The following ASCC2 variants were observed in gnomAD, a reference collection of about 807,000 sequenced individuals.
The protein encoded by ASCC2 is ASC-1 complex subunit P100.
ASCC2 carries 42 observed loss-of-function variants against 93.5 expected under a neutral mutation model. The observed-to-expected ratio is 0.45, with a 90% confidence interval of 0.35 to 0.58. The LOEUF (loss-of-function observed/expected upper bound fraction) is 0.58. Among genes scored for constraint, ASCC2 ranks in the 20% least tolerant of loss-of-function variants. The pLI, the probability that ASCC2 is intolerant of heterozygous loss-of-function variation, is 0.00. For missense variants in ASCC2, 859 were observed against 977.6 expected, an observed-to-expected ratio of 0.88 and a Z score of 1.62; for synonymous variants, 364 against 384.2, an observed-to-expected ratio of 0.95 and a Z score of 0.62.
At chr22:29,805,837 G>C (rs572605519) in intron 12 of ASCC2, among the ~76,000 whole-genome samples, 1 of 151,746 alleles carries the variant, frequency 6.6e-6, no homozygotes, top group South Asian at 2.1e-4. Flanking sequence ...CCCACCCAGA[G>C]CTCTGCTGGG....
chr22:29,793,266 G>C, intron 17 of ASCC2, 94 bp downstream of exon 17: 1 of 1,549,912 alleles, frequency 6.5e-7, no homozygotes, highest in South Asian at 1.2e-5. Context: ...TTTGGGCCCT[G>C]GATCTGCCAC....
rs926451736 is a variant in ASCC2, at chr22:29,793,656, G to T, written c.1709C>A (p.Thr570Lys). The change falls in exon 16 of 20, where the codon ACG (threonine) becomes AAG (lysine). Residue 570 changes from threonine to lysine, a missense_variant. Transcript: ENST00000307790. ...ACGCTTGTCGTTCAGCAAACTCCGCGTGTTTTCCTCCTTCCTGGTGCTGAG... is the reference window on the plus strand; with the variant it reads ...ACGCTTGTCGTTCAGCAAACTCCGCTTGTTTTCCTCCTTCCTGGTGCTGAG... ...KGKSTRKEEN[T>K]RSLLNDKRAV... is the part of the protein sequence containing the mutation. 8.9e-6 allele frequency: 14 copies of T among 1,577,328 alleles called. No individual in the cohort carries two copies. The highest frequency in any genetic ancestry group is 1.1e-5 in the Non-Finnish European group (13 of 1,162,658).
At position 29,825,023 on chromosome 22, in the gene ASCC2, T is replaced by C; in HGVS notation, c.411+64A>G. 1 of 1,293,908 alleles carries C rather than the reference T, an allele frequency of 7.7e-7. No individual in the cohort carries two copies. 80.2% of individuals were successfully genotyped at this position (1,293,908 alleles called of 1,614,324 possible). A position where few individuals can be genotyped will look rare whatever the true frequency, so the allele number is the denominator to read the frequency against. On this transcript the variant is annotated intron_variant, in intron 4 of 19. Transcript: ENST00000307790. This position sits in a 1 kb window ranked among gnomAD's most constrained non-coding sequence, Gnocchi z 4.9. ...CTTCCAGAGCCTTCCTTCCCAGGGGTGGAGAGCCCGGCACAGAGGTGTCGA... is the reference window on the plus strand; with the variant it reads ...CTTCCAGAGCCTTCCTTCCCAGGGGCGGAGAGCCCGGCACAGAGGTGTCGA...
intron 8 of ASCC2, among the ~76,000 whole-genome samples, chr22:29,812,905 G>A (rs1182794145): frequency 1.4e-5 from 2 of 147,594 alleles, no homozygotes; most frequent in Admixed American, 1.4e-4. Context: ...TTTTTTAGAT[G>A]GAGTCTTGCT....
intron 5 of ASCC2, 50 bp from the exon 6 acceptor site, chr22:29,816,123 G>A: frequency 1.4e-6 from 2 of 1,422,560 alleles, no homozygotes; most frequent in Non-Finnish European, 1.9e-6. Context: ...GGGGCTCGGG[G>A]CAGTGAAGAG....
At chr22:29,806,950 CCT>C (rs2059740333) in intron 9 of ASCC2, 46 bp from the exon 10 acceptor site, 1 of 1,475,356 alleles carries the variant, frequency 6.8e-7, no homozygotes, top group African/African-American at 1.4e-5. Context: ...ACAAAAAGGC[CCT>C]GAGGGGCCAG....
Position 29,807,043 on chromosome 22 carries a change from C to CT in ASCC2, c.909-140_909-139insA, listed in dbSNP as rs1026321881. ...CACTTGAGCCCCAGGAGTTTGAGAC[C>CT]AGCCTGAGCAACTAAGTGAAATCCT... On this transcript the variant is annotated intron_variant, in intron 9 of 19. Coordinates refer to ENST00000307790, the MANE Select transcript of ASCC2 (RefSeq NM_032204.5). The CT allele has an allele frequency of 3.3e-4, 204 of 626,302 alleles. No individual in the cohort carries two copies. The African/African-American group carries it at 3.4e-3, about 10-fold the overall frequency. 38.8% of individuals were successfully genotyped at this position (626,302 alleles called of 1,614,324 possible). A position where few individuals can be genotyped will look rare whatever the true frequency, so the allele number is the denominator to read the frequency against.
At position 29,789,005 on chromosome 22, in the gene ASCC2, A is replaced by C; in HGVS notation, c.*8T>G. The stretch of plus-strand genomic sequence containing the variant: ...GCCGCTGCCTCCCCACTGGCCCTGC[A>C]CCAGGTCTCAGGATGGGATCATGCC... On this transcript the variant is annotated 3_prime_UTR_variant, in exon 20 of 20. Transcript: ENST00000307790. The C allele has an allele frequency of 6.2e-7, 1 of 1,614,092 alleles. No individual in the cohort carries two copies. Among genetic ancestry groups the C allele is most frequent in the Non-Finnish European group, 8.5e-7 (1 of 1,179,980 alleles).
chr22:29,792,428 G>A lies in ASCC2; in HGVS notation c.2022+5C>T, dbSNP rs770200605. 4 of 1,613,832 alleles carry A rather than the reference G, an allele frequency of 2.5e-6. No homozygotes were observed. In the Admixed American group the frequency reaches 5.0e-5, roughly 20 times the overall value. On this transcript the variant is annotated splice_donor_5th_base_variant and intron_variant, in intron 18 of 19. Transcript: ENST00000307790. ...CCCTTCATCTGCTACCTGCCAGGGA[G>A]GTACCTTGGGAGCCTCCTCGTCAGC...
At chr22:29,801,831 G>A (rs2059121463) in intron 14 of ASCC2, among the ~76,000 whole-genome samples, 163 bp downstream of exon 14, 1 of 152,134 alleles carries the variant, frequency 6.6e-6, no homozygotes, top group African/African-American at 2.4e-5. Flanking sequence ...ACTCCTGCGG[G>A]GCCTAAGGTT....
Position 29,822,232 on chromosome 22 carries a change from G to A in ASCC2, c.541+103C>T, listed in dbSNP as rs113061789. The A allele has an allele frequency of 2.2e-3, 3,313 of 1,486,234 alleles. 57 individuals are homozygous for A. The African/African-American group carries it at 0.037, about 17-fold the overall frequency. 92.1% of individuals were successfully genotyped at this position (1,486,234 alleles called of 1,614,324 possible). ...TTTCCCAAGACTCCCTGCCCCTATC[G>A]CCCTGAGTCCCTGGGCACTGTCAAA... On this transcript the variant is annotated intron_variant, in intron 5 of 19. Transcript: ENST00000307790.
intron 4 of ASCC2, among the ~76,000 whole-genome samples, chr22:29,824,187 C>CA (rs1317374246): frequency 6.9e-6 from 1 of 144,606 alleles, no homozygotes; most frequent in East Asian, 2.1e-4. Flanking sequence ...TCTCTAAAAA[C>CA]AAAGAAAAAG....
At chr22:29,807,272 A>C (rs1763327846) in intron 9 of ASCC2, among the ~76,000 whole-genome samples, 1 of 151,678 alleles carries the variant, frequency 6.6e-6, no homozygotes, top group Non-Finnish European at 1.5e-5. Flanking sequence ...GGAAAAGAAA[A>C]AGAAAAAGAA....
In ASCC2 at chr22:29,793,379, C is replaced by T. The variant is rs773333142; in HGVS notation, c.1900G>A (p.Asp634Asn). Reference protein sequence around the residue: ...QVGANDADSDDELISRRPFTI... With the variant: ...QVGANDADSDNELISRRPFTI... ...CCTCACCTGCGGCTGATGAGCTCGT[C>T]ATCAGAGTCTGCATCATTGGCGCCC... The change falls in exon 17 of 20, where the codon GAC becomes AAC. Residue 634 changes from aspartate to asparagine, a missense_variant. Physicochemically the swap from Asp to Asn is conservative, Grantham distance 23 (BLOSUM62 1). Coordinates refer to ENST00000307790, the MANE Select transcript of ASCC2 (RefSeq NM_032204.5). 2.1e-5 allele frequency: 34 copies of T among 1,613,746 alleles called. No homozygotes were observed. The highest frequency in any genetic ancestry group is 2.8e-5 in the Non-Finnish European group (33 of 1,180,024).
In ASCC2 at chr22:29,817,632, G is replaced by T. The variant is rs576986039; in HGVS notation, c.542-1559C>A. Among the ~76,000 whole-genome samples, 6 of 152,218 alleles carry T rather than the reference G, an allele frequency of 3.9e-5. No individual in the cohort carries two copies. The South Asian group carries it at 1.0e-3, about 26-fold the overall frequency. ...CAAAGCATCCCAACCACTTCGCACTGGGGAGGCACCCTCTCATGATCCTTC... is the reference window on the plus strand; with the variant it reads ...CAAAGCATCCCAACCACTTCGCACTTGGGAGGCACCCTCTCATGATCCTTC... On this transcript the variant is annotated intron_variant, in intron 5 of 19. Coordinates refer to ENST00000307790, the MANE Select transcript of ASCC2 (RefSeq NM_032204.5).
At position 29,835,421 on chromosome 22, in the gene ASCC2, T is replaced by C. The variant is rs12157919; in HGVS notation, c.-18+2757A>G. Among the ~76,000 whole-genome samples the C allele has an allele frequency of 2.0e-5, 3 of 149,156 alleles. No individual in the cohort carries two copies. The South Asian group carries it at 6.4e-4, about 32-fold the overall frequency. The stretch of plus-strand genomic sequence containing the variant: ...CCAAAATTTAAAAAAAAAAAAAAAA[T>C]TTTTTTTCTTTAAAAGAAATTCACT... On this transcript the variant is annotated intron_variant, in intron 1 of 19. Transcript: ENST00000307790.
chr22:29,821,479 C>T (rs2061547202), intron 5 of ASCC2, among the ~76,000 whole-genome samples: 1 of 152,212 alleles, frequency 6.6e-6, no homozygotes, highest in South Asian at 2.1e-4. Context: ...TACATTTTAA[C>T]CTCAGTTTCC....
In ASCC2 at chr22:29,825,687, C is replaced by T. The variant is rs750828950; in HGVS notation, c.175G>A (p.Ala59Thr). ...PALVEEYLER[A>T]TFVANDLDWL... ...TCGAGGTCATTGGCTACGAAGGTGG[C>T]GCGTTCCAGGTACTCCTCCACTAGG... The change falls in exon 3 of 20, where the codon GCC (alanine) becomes ACC (threonine). Residue 59 changes from alanine to threonine, a missense_variant. Physicochemically the swap from Ala to Thr is moderately conservative, Grantham distance 58 (BLOSUM62 0). Transcript: ENST00000307790. The surrounding 1 kb of genome is among the most constrained non-coding windows in gnomAD (Gnocchi z 4.9). 1.1e-5 allele frequency: 18 copies of T among 1,614,090 alleles called. No individual in the cohort carries two copies. Among genetic ancestry groups the T allele is most frequent in the Admixed American group, 1.7e-5 (1 of 60,008 alleles).
Position 29,822,366 on chromosome 22 carries a change from T to C in ASCC2, c.510A>G (p.Lys170=), listed in dbSNP as rs780075985. The C allele has an allele frequency of 1.9e-6, 3 of 1,613,702 alleles. No individual in the cohort carries two copies. Among genetic ancestry groups the C allele is most frequent in the Middle Eastern group, 1.6e-4 (1 of 6,084 alleles). ...KILDLCVLFG[K]GNSPLLQKMI... ...TCTTCTGGAGCAGTGGTGAGTTGCC[T>C]TTTCCAAAGAGCACGCAGAGGTCCA... is the stretch of plus-strand genomic sequence containing the variant. Residue 170 remains lysine, a synonymous_variant, in exon 5 of 20, where the codon AAA becomes AAG. Transcript: ENST00000307790.
Sources: allele counts gnomAD v4.1 joint callset (sites outside exome capture counted in the v4.1 genomes callset), GRCh38; gene constraint gnomAD v4.1.1; non-coding constraint Gnocchi (gnomAD v3.1); transcripts MANE v1.5; gene names NCBI Gene and HGNC (gene_info 2026-07-23, HGNC 2026-07-21).